UBQLN4: variants seen among roughly 807,000 people sequenced by gnomAD.
The protein encoded by UBQLN4 is ubiquilin 4.
UBQLN4 carries 11 observed loss-of-function variants against 60.4 expected under a neutral mutation model. The ratio of observed to expected loss-of-function variants is 0.18; its 90% CI spans 0.11 to 0.30. The LOEUF (loss-of-function observed/expected upper bound fraction) is 0.30, where lower values mean the gene tolerates loss of function less well. UBQLN4 is among the 10% of genes least tolerant of loss of function. UBQLN4 has a pLI of 1.00. For synonymous variants in UBQLN4, 258 were observed against 313.1 expected (o/e 0.82, Z 1.86); for missense variants, 417 against 795.5 (o/e 0.52, Z 5.72).
Position 156,035,776 on chromosome 1 carries a change from C to T in UBQLN4, c.*1202G>A, listed in dbSNP as rs1355880407. 6 of 985,424 alleles carry T rather than the reference C, an allele frequency of 6.1e-6. No homozygotes were observed. In the South Asian group the frequency reaches 1.9e-4, roughly 31 times the overall value. 61.0% of individuals were successfully genotyped at this position (985,424 alleles called of 1,614,324 possible). On this transcript the variant is annotated 3_prime_UTR_variant, in exon 11 of 11. Coordinates refer to ENST00000368309, the MANE Select transcript of UBQLN4 (RefSeq NM_020131.5). ...CCCAGCATCCAGAGCCCCAAGGGAC[C>T]TAGCTCTCCCGGATATATATTCCTG...
chr1:156,036,728 T>C lies in UBQLN4; in HGVS notation c.*250A>G, dbSNP rs1281706712. 8.0e-7 allele frequency: 1 copy of C among 1,246,130 alleles called. No individual in the cohort carries two copies. 77.2% of individuals were successfully genotyped at this position (1,246,130 alleles called of 1,614,324 possible). On this transcript the variant is annotated 3_prime_UTR_variant, in exon 11 of 11. Coordinates refer to ENST00000368309, the MANE Select transcript of UBQLN4 (RefSeq NM_020131.5). ...AGGAGGTAGAGTCAATCAATGAAACTGTGAAAACTGTTTAAGTAGCACTGC... is the reference window on the plus strand; with the variant it reads ...AGGAGGTAGAGTCAATCAATGAAACCGTGAAAACTGTTTAAGTAGCACTGC...
At chr1:156,033,345 A>T, downstream of UBQLN4, 1 of 958,516 alleles carries the variant, frequency 1.0e-6, no homozygotes, top group Non-Finnish European at 1.2e-6. Context: ...TATTTTTGTG[A>T]ATGGCATGTG....
chr1:156,050,568 C>A lies in UBQLN4; in HGVS notation c.479-15G>T. On this transcript the variant is annotated splice_polypyrimidine_tract_variant and intron_variant, in intron 3 of 10. Transcript: ENST00000368309. The surrounding 1 kb of genome is among the most constrained non-coding windows in gnomAD (Gnocchi z 4.6). ...CCCAAAGCCAGCTGTGGGAAGGGGGCAGGGTCACAGTCTGCCACAAGAACA... is the reference window on the plus strand; with the variant it reads ...CCCAAAGCCAGCTGTGGGAAGGGGGAAGGGTCACAGTCTGCCACAAGAACA... 2 of 1,596,300 alleles carry A rather than the reference C, an allele frequency of 1.3e-6. No homozygotes were observed. The highest frequency in any genetic ancestry group is 2.3e-5 in the South Asian group (2 of 88,804).
intron 5 of UBQLN4, among the ~76,000 whole-genome samples, chr1:156,047,529 C>T (rs1301646983): frequency 2.0e-5 from 3 of 151,816 alleles, no homozygotes; most frequent in Non-Finnish European, 1.5e-5. Flanking sequence ...AGGTGTCAGC[C>T]ACTGCGCCTG....
downstream of UBQLN4, among the ~76,000 whole-genome samples, chr1:156,031,577 C>CTTTTTTT (rs58222507): frequency 8.1e-6 from 1 of 122,748 alleles, no homozygotes; most frequent in South Asian, 2.6e-4. Context: ...GGAACTTCTT[C>CTTTTTTT]TTTTTTTTTT....
Position 156,050,302 on chromosome 1 carries a change from G to A in UBQLN4, c.730C>T (p.Leu244Phe). 1.3e-6 allele frequency: 2 copies of A among 1,581,522 alleles called. No homozygotes were observed. The highest frequency in any genetic ancestry group is 2.3e-5 in the South Asian group (2 of 85,780). The change falls in exon 4 of 11, where the codon CTC becomes TTC. Residue 244 changes from leucine (L) to phenylalanine (F), a missense_variant. By Grantham distance (22) the Leu-to-Phe change is conservative. Transcript: ENST00000368309. The surrounding 1 kb of genome is among the most constrained non-coding windows in gnomAD (Gnocchi z 4.6). ...CCTCTCATACTCACCTGCCTCATGA[G>A]TTCAGGGTTATTGAGCATGTGGCTG... Reference protein sequence around the residue: ...EISHMLNNPELMRQTMELARN... With the variant: ...EISHMLNNPEFMRQTMELARN...
chr1:156,046,137 C>T lies in UBQLN4; in HGVS notation c.901-1914G>A, dbSNP rs1343057918. Among the ~76,000 whole-genome samples, 7 of 151,846 alleles carry T rather than the reference C, an allele frequency of 4.6e-5. No individual in the cohort carries two copies. The East Asian group carries it at 9.7e-4, about 21-fold the overall frequency. On this transcript the variant is annotated intron_variant, in intron 5 of 10. Coordinates refer to ENST00000368309, the MANE Select transcript of UBQLN4 (RefSeq NM_020131.5). ...CTGAGATTATAGGCATGCGCCACTA[C>T]GCTCCACCAACTTGTAATAAATTGT...
At chr1:156,049,972 C>A (rs948364810) in intron 4 of UBQLN4, among the ~76,000 whole-genome samples, 1 of 152,198 alleles carries the variant, frequency 6.6e-6, no homozygotes, top group African/African-American at 2.4e-5. Flanking sequence ...TGGGTCTCAG[C>A]TCGGTGACAT....
Position 156,050,148 on chromosome 1 carries a change from CTG to C in UBQLN4, c.741+141_741+142del, listed in dbSNP as rs2102755183. On this transcript the variant is annotated intron_variant, in intron 4 of 10. Transcript: ENST00000368309. The surrounding 1 kb of genome is among the most constrained non-coding windows in gnomAD (Gnocchi z 4.6). ...ACCTGGAATTCCTGAAAAGCTAGGC[CTG>C]TCTTTTCATCCCTGTACCTCCAGTG... is the stretch of plus-strand genomic sequence containing the variant. The C allele has an allele frequency of 8.6e-7, 1 of 1,164,220 alleles. No individual in the cohort carries two copies. The highest frequency in any genetic ancestry group is 1.2e-6 in the Non-Finnish European group (1 of 865,348). The allele number at this position is 1,164,220 out of a possible 1,614,324, so 72.1% of individuals were successfully genotyped here. A position where few individuals can be genotyped will look rare whatever the true frequency, so the allele number is the denominator to read the frequency against.
intron 5 of UBQLN4, among the ~76,000 whole-genome samples, chr1:156,045,872 G>A (rs571631351): frequency 8.7e-4 from 132 of 151,296 alleles, no homozygotes; most frequent in Admixed American, 1.6e-3. Context: ...TTGAGATGGA[G>A]TCTCGTTTTG....
chr1:156,037,231 A>G, intron 10 of UBQLN4, 101 bp from the exon 11 acceptor site: 1 of 1,430,716 alleles, frequency 7.0e-7, no homozygotes, highest in Non-Finnish European at 9.5e-7. Context: ...TAATATCCTC[A>G]GAGTCAATCA....
intron 5 of UBQLN4, 97 bp from the exon 6 acceptor site, chr1:156,044,320 C>T (rs1335809323): frequency 9.0e-7 from 1 of 1,110,268 alleles, no homozygotes; most frequent in African/African-American, 1.6e-5. Flanking sequence ...TCCCCTTCCC[C>T]AGAAAAGGGA....
Position 156,041,559 on chromosome 1 carries a change from T to C in UBQLN4, c.1579A>G (p.Thr527Ala), listed in dbSNP as rs750172276. 8.1e-6 allele frequency: 13 copies of C among 1,613,078 alleles called. No individual in the cohort carries two copies. In the Admixed American group the frequency reaches 2.2e-4, roughly 27 times the overall value. The change falls in exon 10 of 11, where the codon ACA becomes GCA. Residue 527 changes from threonine to alanine, a missense_variant. Coordinates refer to ENST00000368309, the MANE Select transcript of UBQLN4 (RefSeq NM_020131.5). Reference protein sequence around the residue: ...SPATPATSSPTGASSAQQQLM... With the variant: ...SPATPATSSPAGASSAQQQLM... ...TGCTGCTGGGCGCTGGAAGCCCCTG[T>C]TGGAGAAGATGTGGCTGGCGTGGCT... is the stretch of plus-strand genomic sequence containing the variant.
intron 10 of UBQLN4, among the ~76,000 whole-genome samples, chr1:156,037,544 C>T (rs542307387): frequency 1.1e-4 from 17 of 152,126 alleles, no homozygotes; most frequent in East Asian, 5.8e-4. Context: ...TGCAGTGAGG[C>T]GAGATCGCGC....
intron 5 of UBQLN4, among the ~76,000 whole-genome samples, chr1:156,047,469 T>C (rs866265472): frequency 2.4e-4 from 36 of 151,688 alleles, no homozygotes; most frequent in Non-Finnish European, 4.0e-4. Flanking sequence ...GGTCTCGATC[T>C]CCTGACCTCG....
In UBQLN4 at chr1:156,048,465, G is replaced by A; in HGVS notation, c.900+36C>T. Reference sequence around the variant, plus strand: ...GTGGGGGTAGGGAATCTCGAGCCCAGACAGCCCAACCCACTACCCTGGCCC... The same window carrying A: ...GTGGGGGTAGGGAATCTCGAGCCCAAACAGCCCAACCCACTACCCTGGCCC... On this transcript the variant is annotated intron_variant, in intron 5 of 10. Transcript: ENST00000368309. The surrounding 1 kb of genome is among the most constrained non-coding windows in gnomAD (Gnocchi z 4.9). 6.3e-7 allele frequency: 1 copy of A among 1,577,248 alleles called. No homozygotes were observed. Among genetic ancestry groups the A allele is most frequent in the Non-Finnish European group, 8.7e-7 (1 of 1,152,920 alleles).
rs1244738542 is a variant in UBQLN4, at chr1:156,050,113, TCCCTTTGAC to T, written c.741+169_741+177del. On this transcript the variant is annotated intron_variant, in intron 4 of 10. Coordinates refer to ENST00000368309, the MANE Select transcript of UBQLN4 (RefSeq NM_020131.5). The surrounding 1 kb of genome is among the most constrained non-coding windows in gnomAD (Gnocchi z 4.6). ...TAATTGCCGGTTTACTTGTCCTACT[TCCCTTTGAC>T]ACCTGGAATTCCTGAAAAGCTAGGC... Among the ~76,000 whole-genome samples, 1 of 152,202 alleles carries T rather than the reference TCCCTTTGAC, an allele frequency of 6.6e-6. No homozygotes were observed. The highest frequency in any genetic ancestry group is 1.5e-5 in the Non-Finnish European group (1 of 68,036).
chr1:156,053,572 C>A (rs1344513484), intron 1 of UBQLN4, 22 bp downstream of exon 1: 2 of 1,281,710 alleles, frequency 1.6e-6, no homozygotes, highest in Non-Finnish European at 2.0e-6. Flanking sequence ...GCGCTCCCCC[C>A]GCCCCCCGCC....
Position 156,051,196 on chromosome 1 carries a change from G to A in UBQLN4, c.392C>T (p.Ala131Val), listed in dbSNP as rs771977978. ...PSTSGSASSDAGSGSRRSSGG... is the reference protein window; with the variant it reads ...PSTSGSASSDVGSGSRRSSGG... ...ACTGCTCCTCCGGCTTCCACTGCCAGCATCTGAAGAGGCACTGCCAGAGGT... is the reference window on the plus strand; with the variant it reads ...ACTGCTCCTCCGGCTTCCACTGCCAACATCTGAAGAGGCACTGCCAGAGGT... The change falls in exon 3 of 11, where the codon GCT becomes GTT. Residue 131 changes from alanine to valine, a missense_variant. Coordinates refer to ENST00000368309, the MANE Select transcript of UBQLN4 (RefSeq NM_020131.5). 37 of 1,611,638 alleles carry A rather than the reference G, an allele frequency of 2.3e-5. No individual in the cohort carries two copies. In the Admixed American group the frequency reaches 5.7e-4, roughly 25 times the overall value.
Sources: allele counts gnomAD v4.1 joint callset (sites outside exome capture counted in the v4.1 genomes callset), GRCh38; gene constraint gnomAD v4.1.1; non-coding constraint Gnocchi (gnomAD v3.1); transcripts MANE v1.5; gene names NCBI Gene and HGNC (gene_info 2026-07-23, HGNC 2026-07-21).